The following NRG3 variants were observed in gnomAD, a reference collection of about 807,000 sequenced individuals.
The protein encoded by NRG3 is neuregulin 3.
NRG3 carries 31 observed loss-of-function variants against 66.9 expected under a neutral mutation model. The ratio of observed to expected loss-of-function variants is 0.46; its 90% CI spans 0.35 to 0.63. The LOEUF (loss-of-function observed/expected upper bound fraction) is 0.63. Ranked by LOEUF, NRG3 falls within the 20% of genes least tolerant of loss-of-function variation. The probability of loss-of-function intolerance (pLI) is 0.00; values close to 1 mark genes in which losing one functional copy is unlikely to be tolerated. For missense variants in NRG3, 910 were observed against 878.9 expected, an observed-to-expected ratio of 1.04 and a Z score of -0.45; for synonymous variants, 393 against 359.4, an observed-to-expected ratio of 1.09 and a Z score of -1.06.
At chr10:82,935,648 G>T (rs546574055) in intron 4 of NRG3, among the ~76,000 whole-genome samples, 1 of 151,692 alleles carries the variant, frequency 6.6e-6, no homozygotes, top group East Asian at 1.9e-4. Flanking sequence ...ACGGAGTCTC[G>T]CTCTGTCACC....
chr10:82,650,090 T>A (rs1236507160), intron 2 of NRG3, among the ~76,000 whole-genome samples: 1 of 152,150 alleles, frequency 6.6e-6, no homozygotes, highest in Non-Finnish European at 1.5e-5. Flanking sequence ...ACTGTGAGAT[T>A]TCTTGGAGTC....
chr10:82,979,106 G>T lies in NRG3; in HGVS notation c.1569G>T (p.Thr523=), dbSNP rs201130477. 328 of 1,613,974 alleles carry T rather than the reference G, an allele frequency of 2.0e-4. No homozygotes were observed. Among genetic ancestry groups the T allele is most frequent in the East Asian group, 1.6e-4 (7 of 44,858 alleles). The change falls in exon 8 of 9, where the codon ACG becomes ACT. Residue 523 remains threonine, a synonymous_variant. Transcript: ENST00000372141. ...AATCAAGGATCCCAGACCAGGATAC[G>T]ATACCTTGCCAAGGGTAGGTCTTAA... ...LEESRIPDQD[T]IPCQGYSSSG...
chr10:82,534,490 C>G (rs1050906517), intron 2 of NRG3, among the ~76,000 whole-genome samples: 1 of 152,046 alleles, frequency 6.6e-6, no homozygotes, highest in Non-Finnish European at 1.5e-5. Context: ...GTCTCCAATT[C>G]CTGACCTCAG....
chr10:82,699,643 A>G (rs1429756795), intron 2 of NRG3, among the ~76,000 whole-genome samples: 4 of 152,008 alleles, frequency 2.6e-5, no homozygotes, highest in Non-Finnish European at 5.9e-5. Flanking sequence ...GATGCGCCCT[A>G]CTTGGTGCAC....
At chr10:82,175,758 G>A (rs1285400915) in intron 1 of NRG3, among the ~76,000 whole-genome samples, 2 of 152,122 alleles carry the variant, frequency 1.3e-5, no homozygotes, top group African/African-American at 2.4e-5. Context: ...TATGATGTCA[G>A]GTAATCTGTG....
At chr10:82,781,501 C>T (rs1000197281) in intron 3 of NRG3, among the ~76,000 whole-genome samples, 4 of 152,150 alleles carry the variant, frequency 2.6e-5, no homozygotes, top group African/African-American at 9.7e-5. Context: ...AGGGAGGCCT[C>T]ATGCCAGGCT....
At chr10:82,480,283 A>C (rs1362295841) in intron 2 of NRG3, among the ~76,000 whole-genome samples, 1 of 152,146 alleles carries the variant, frequency 6.6e-6, no homozygotes, top group Non-Finnish European at 1.5e-5. Flanking sequence ...ATTTGTGGTA[A>C]TGGTTGCACC....
intron 1 of NRG3, among the ~76,000 whole-genome samples, chr10:82,302,381 C>T (rs773737431): frequency 2.0e-5 from 3 of 152,078 alleles, no homozygotes; most frequent in Non-Finnish European, 4.4e-5. Context: ...TGTTGGCTAC[C>T]ATATTGTTAA....
chr10:82,837,541 G>A (rs971379280), intron 3 of NRG3, among the ~76,000 whole-genome samples: 3 of 152,022 alleles, frequency 2.0e-5, no homozygotes, highest in Non-Finnish European at 4.4e-5. Flanking sequence ...AAAAATAAAG[G>A]GAAGTTAACG....
intron 1 of NRG3, among the ~76,000 whole-genome samples, chr10:82,305,120 G>T (rs928489356): frequency 1.4e-5 from 2 of 147,004 alleles, no homozygotes; most frequent in Non-Finnish European, 3.0e-5. Context: ...TCAGCCTCCC[G>T]AGTAGCTGGG....
chr10:81,941,705 C>T (rs573524282), intron 1 of NRG3, among the ~76,000 whole-genome samples: 2 of 152,166 alleles, frequency 1.3e-5, no homozygotes, highest in Non-Finnish European at 2.9e-5. Context: ...CCAGTTTATT[C>T]ACAGTGTTCT....
chr10:82,500,483 T>C (rs1418412462), intron 2 of NRG3, among the ~76,000 whole-genome samples: 1 of 152,140 alleles, frequency 6.6e-6, no homozygotes, highest in Non-Finnish European at 1.5e-5. Context: ...AATACTACCT[T>C]TTTGTAGGTT....
At chr10:82,361,491 T>C (rs1052130506) in intron 2 of NRG3, among the ~76,000 whole-genome samples, 3 of 152,214 alleles carry the variant, frequency 2.0e-5, no homozygotes, top group Non-Finnish European at 4.4e-5. Context: ...TTCTAAAAAT[T>C]CCAATGTAGT....
intron 1 of NRG3, among the ~76,000 whole-genome samples, chr10:82,234,122 A>C (rs562119576): frequency 2.3e-3 from 347 of 152,354 alleles, no homozygotes; most frequent in Non-Finnish European, 3.7e-3. Flanking sequence ...TGAAACATGC[A>C]AACCTTACCA....
chr10:82,735,110 A>T (rs910380911), intron 2 of NRG3, among the ~76,000 whole-genome samples: 1 of 152,318 alleles, frequency 6.6e-6, no homozygotes, highest in Admixed American at 6.5e-5. Flanking sequence ...CAAATCCTTT[A>T]TCTCAAAGTA....
chr10:82,446,393 C>T (rs896826753), intron 2 of NRG3, among the ~76,000 whole-genome samples: 1 of 152,136 alleles, frequency 6.6e-6, no homozygotes, highest in Non-Finnish European at 1.5e-5. Flanking sequence ...CCCAAATGCT[C>T]ATCAATGATA....
intron 2 of NRG3, among the ~76,000 whole-genome samples, chr10:82,488,499 AATT>A (rs1238245023): frequency 5.3e-5 from 8 of 152,194 alleles, no homozygotes; most frequent in Admixed American, 5.2e-4. Context: ...GCTCTCATAA[AATT>A]ATTATTATTT....
intron 2 of NRG3, among the ~76,000 whole-genome samples, chr10:82,611,949 C>T (rs540677949): frequency 7.2e-5 from 11 of 152,158 alleles, no homozygotes; most frequent in South Asian, 2.1e-4. Context: ...GACTTTTTAA[C>T]GATCAACATT....
intron 2 of NRG3, among the ~76,000 whole-genome samples, chr10:82,495,715 C>T (rs1843565815): frequency 6.6e-6 from 1 of 151,860 alleles, no homozygotes; most frequent in South Asian, 2.1e-4. Context: ...AGTGGGAGCC[C>T]AAAGGGTAAG....
Sources: gnomAD v4.1 joint callset for allele counts (sites outside exome capture counted in the v4.1 genomes callset) on GRCh38, gnomAD v4.1.1 for gene constraint, MANE v1.5 for transcripts, NCBI Gene and HGNC (gene_info 2026-07-23, HGNC 2026-07-21) for gene names.